The following DGKB variants were observed in gnomAD, a reference collection of about 807,000 sequenced individuals.
DGKB encodes the protein diacylglycerol kinase beta.
DGKB carries 67 observed loss-of-function variants against 114.3 expected under a neutral mutation model. That is an observed-to-expected ratio of 0.59 (90% CI 0.48 to 0.72). The LOEUF (loss-of-function observed/expected upper bound fraction) is 0.72. Ranked by LOEUF, DGKB falls within the 30% of genes least tolerant of loss-of-function variation. The pLI is 0.00. For missense variants in DGKB, 907 were observed against 975.2 expected, an observed-to-expected ratio of 0.93 and a Z score of 0.93; for synonymous variants, 398 against 323.1, an observed-to-expected ratio of 1.23 and a Z score of -2.49.
chr7:14,754,942 G>A (rs1000694830), intron 3 of DGKB, among the ~76,000 whole-genome samples: 2 of 152,090 alleles, frequency 1.3e-5, no homozygotes, highest in Admixed American at 6.6e-5. Flanking sequence ...GAAGAGCACA[G>A]GGCATTAGCC....
intron 17 of DGKB, among the ~76,000 whole-genome samples, chr7:14,585,688 C>G (rs1365889525): frequency 6.6e-6 from 1 of 152,140 alleles, no homozygotes; most frequent in Non-Finnish European, 1.5e-5. Context: ...ACTTGAATGT[C>G]TGTGGCAACT....
At chr7:14,823,804 T>C (rs1845281993) in intron 2 of DGKB, among the ~76,000 whole-genome samples, 1 of 152,146 alleles carries the variant, frequency 6.6e-6, no homozygotes, top group African/African-American at 2.4e-5. Flanking sequence ...AAAAATAAAA[T>C]GTAATTTCAT....
intron 19 of DGKB, among the ~76,000 whole-genome samples, chr7:14,578,992 G>C (rs576985014): frequency 1.3e-5 from 2 of 152,164 alleles, no homozygotes; most frequent in South Asian, 4.2e-4. Context: ...CCTTCCTTCA[G>C]TCCTTGAAAC....
chr7:14,583,134 T>C lies in DGKB; in HGVS notation c.1437A>G (p.Leu479=), dbSNP rs768784897. 4.4e-6 allele frequency: 7 copies of C among 1,607,664 alleles called. No individual in the cohort carries two copies. The South Asian group carries it at 7.7e-5, about 18-fold the overall frequency. The change falls in exon 18 of 26, where the codon TTA becomes TTG. Residue 479 remains leucine (L), a synonymous_variant. Transcript: ENST00000402815. ...SLSGNGPMPG[L]NFFRDVPDFR... ...AGTCAGGAACATCACGGAAAAAGTT[T>C]AACCTGAAAAATAAGCATGTTATGG...
intron 2 of DGKB, among the ~76,000 whole-genome samples, chr7:14,836,885 A>G (rs1459669884): frequency 3.3e-5 from 5 of 152,224 alleles, no homozygotes; most frequent in African/African-American, 1.2e-4. Flanking sequence ...AGTGGAAGAA[A>G]AACAGACACT....
intron 25 of DGKB, among the ~76,000 whole-genome samples, chr7:14,166,336 A>C (rs1390176339): frequency 1.3e-5 from 2 of 152,228 alleles, no homozygotes; most frequent in Admixed American, 1.3e-4. Context: ...AAAAAATATC[A>C]GTGATGTTTT....
At chr7:14,698,241 A>G in intron 7 of DGKB, 72 bp from the exon 8 acceptor site, 1 of 967,024 alleles carries the variant, frequency 1.0e-6, no homozygotes, top group South Asian at 1.6e-5. Flanking sequence ...ACTTGCAGAA[A>G]TTGTTTTGTT....
intron 23 of DGKB, among the ~76,000 whole-genome samples, chr7:14,208,647 A>C (rs1441271994): frequency 2.0e-5 from 3 of 152,062 alleles, no homozygotes; most frequent in Non-Finnish European, 4.4e-5. Context: ...AAACGAGAAT[A>C]GTTGCATTAA....
At chr7:14,542,555 T>C (rs1272830234) in intron 20 of DGKB, among the ~76,000 whole-genome samples, 2 of 152,202 alleles carry the variant, frequency 1.3e-5, no homozygotes, top group Non-Finnish European at 1.5e-5. Flanking sequence ...TCACTAGTTT[T>C]GCATTTCACT....
chr7:14,270,128 C>CATAT lies in DGKB; in HGVS notation c.2122+68386_2122+68387insATAT, dbSNP rs559322668. 8.2e-5 allele frequency among the ~76,000 whole-genome samples: 12 copies of CATAT among 146,556 alleles called. 1 individual carries two copies. In the South Asian group the frequency reaches 2.6e-3, roughly 32 times the overall value. On this transcript the variant is annotated intron_variant, in intron 23 of 25. Transcript: ENST00000402815. ...ATAAGGGAGTTTTATATATAATGTG[C>CATAT]ATGTAAGATGGTAGTAGAAACAGAA... is the stretch of plus-strand genomic sequence containing the variant.
intron 23 of DGKB, among the ~76,000 whole-genome samples, chr7:14,310,934 G>C (rs1280597986): frequency 6.6e-6 from 1 of 152,068 alleles, no homozygotes; most frequent in African/African-American, 2.4e-5. Context: ...TTTGAGACTA[G>C]CCTGGGGAAC....
At chr7:14,800,168 G>A (rs375682270) in intron 2 of DGKB, among the ~76,000 whole-genome samples, 3 of 152,038 alleles carry the variant, frequency 2.0e-5, no homozygotes, top group Admixed American at 6.6e-5. Context: ...CGCCCACCTC[G>A]GCCTCCCGAA....
At chr7:14,382,576 A>C (rs1315263809) in intron 21 of DGKB, among the ~76,000 whole-genome samples, 4 of 152,192 alleles carry the variant, frequency 2.6e-5, no homozygotes, top group Non-Finnish European at 5.9e-5. Flanking sequence ...CTCTATTCAT[A>C]GGTATAACCA....
In DGKB at chr7:14,553,998, G is replaced by A. The variant is rs571608686; in HGVS notation, c.1770+20214C>T. 3.4e-5 allele frequency among the ~76,000 whole-genome samples: 5 copies of A among 147,240 alleles called. No homozygotes were observed. In the East Asian group the frequency reaches 1.1e-3, roughly 31 times the overall value. On this transcript the variant is annotated intron_variant, in intron 20 of 25. Transcript: ENST00000402815. ...CGCCATTCTCCTGCCTCAGCCTCCC[G>A]AGTAGCTGGGACTACAGGCAACCGT...
intron 21 of DGKB, among the ~76,000 whole-genome samples, chr7:14,439,607 T>C (rs935934525): frequency 1.6e-4 from 25 of 152,088 alleles, no homozygotes; most frequent in African/African-American, 5.6e-4. Context: ...CTCATGCCTG[T>C]AATTCCAGCA....
chr7:14,667,862 G>C (rs1010777501), intron 13 of DGKB, among the ~76,000 whole-genome samples: 3 of 151,922 alleles, frequency 2.0e-5, no homozygotes, highest in African/African-American at 7.2e-5. Context: ...TAGCTAGGTG[G>C]GCAAAATTTT....
chr7:14,472,750 A>T (rs1489851358), intron 21 of DGKB, among the ~76,000 whole-genome samples: 3 of 152,134 alleles, frequency 2.0e-5, no homozygotes, highest in Non-Finnish European at 1.5e-5. Context: ...AGGTGGTCTC[A>T]GGTGGAGATG....
In DGKB at chr7:14,493,995, T is replaced by A. The variant is rs369844655; in HGVS notation, c.1771-15770A>T. 1.7e-4 allele frequency among the ~76,000 whole-genome samples: 26 copies of A among 150,900 alleles called. No individual in the cohort carries two copies. The East Asian group carries it at 3.7e-3, about 22-fold the overall frequency. ...ACACATCATAGCAATTAAACTGAAA[T>A]GTGATGTTAATCATATGCCATATCC... On this transcript the variant is annotated intron_variant, in intron 20 of 25. Transcript: ENST00000402815.
rs778991525 is a variant in DGKB, at chr7:14,372,978, G to T, written c.1836-27587C>A. Among the ~76,000 whole-genome samples the T allele has an allele frequency of 3.5e-4, 54 of 152,256 alleles. 1 individual carries two copies. The highest frequency in any genetic ancestry group is 1.4e-3 in the South Asian group (7 of 4,828). On this transcript the variant is annotated intron_variant, in intron 21 of 25. Transcript: ENST00000402815. Reference sequence around the variant, plus strand: ...GTATATCTCCTGGCCATTTTATGGAGGGGATAAGGCCACAACTCTACGTTT... The same window carrying T: ...GTATATCTCCTGGCCATTTTATGGATGGGATAAGGCCACAACTCTACGTTT...
Sources: allele counts gnomAD v4.1 joint callset (sites outside exome capture counted in the v4.1 genomes callset), GRCh38; gene constraint gnomAD v4.1.1; transcripts MANE v1.5; gene names NCBI Gene and HGNC (gene_info 2026-07-23, HGNC 2026-07-21).